Variants in LRRC20 observed in about 807,000 individuals in gnomAD.
LRRC20 encodes the protein leucine rich repeat containing 20.
Under a neutral mutation model 14.4 loss-of-function variants are expected in LRRC20, and 11 were observed. That is an observed-to-expected ratio of 0.77 (90% CI 0.48 to 1.27). The LOEUF (loss-of-function observed/expected upper bound fraction) is 1.27. Among genes scored for constraint, LRRC20 ranks in the 50% most tolerant of loss-of-function variants. The pLI, the probability that LRRC20 is intolerant of heterozygous loss-of-function variation, is 0.00. For missense variants in LRRC20, 219 were observed against 251.2 expected (o/e 0.87, Z 0.87); for synonymous variants, 121 against 107.3 (o/e 1.13, Z -0.79).
chr10:70,326,091 T>C (rs939427486), intron 3 of LRRC20, among the ~76,000 whole-genome samples: 3 of 152,062 alleles, frequency 2.0e-5, no homozygotes, highest in Non-Finnish European at 2.9e-5. Flanking sequence ...AATCTTCCTA[T>C]GTAACTTTTA....
At chr10:70,355,741 G>A (rs1334244225) in intron 2 of LRRC20, among the ~76,000 whole-genome samples, 1 of 152,186 alleles carries the variant, frequency 6.6e-6, no homozygotes, top group African/African-American at 2.4e-5. Flanking sequence ...CTTGGGGTAT[G>A]TTTTTCCTCA....
At chr10:70,360,014 T>C (rs1175842779) in intron 2 of LRRC20, among the ~76,000 whole-genome samples, 1 of 151,584 alleles carries the variant, frequency 6.6e-6, no homozygotes, top group Non-Finnish European at 1.5e-5. Flanking sequence ...CCTCCCAGGT[T>C]CAAACAATTC....
chr10:70,322,713 G>A (rs1306207051), intron 4 of LRRC20, among the ~76,000 whole-genome samples: 2 of 152,108 alleles, frequency 1.3e-5, no homozygotes, highest in Non-Finnish European at 2.9e-5. Context: ...GGGCTGTTGT[G>A]GAATCACATA....
intron 3 of LRRC20, among the ~76,000 whole-genome samples, chr10:70,327,838 C>T (rs1466064080): frequency 1.3e-5 from 2 of 152,218 alleles, no homozygotes. Flanking sequence ...TGTCCAGAGC[C>T]TGACTCCTCA....
chr10:70,375,777 G>GCAT (rs56258990), intron 2 of LRRC20, among the ~76,000 whole-genome samples: 1 of 151,970 alleles, frequency 6.6e-6, no homozygotes, highest in Non-Finnish European at 1.5e-5. Flanking sequence ...GCACACACAG[G>GCAT]ACACACAGGT....
intron 3 of LRRC20, among the ~76,000 whole-genome samples, chr10:70,327,535 C>G (rs796642717): frequency 6.6e-5 from 10 of 151,198 alleles, no homozygotes; most frequent in African/African-American, 1.5e-4. Context: ...TAGCTGAGAT[C>G]GCACCACTGC....
At chr10:70,303,046 G>C (rs1370312394) in intron 4 of LRRC20, among the ~76,000 whole-genome samples, 1 of 151,860 alleles carries the variant, frequency 6.6e-6, no homozygotes, top group African/African-American at 2.4e-5. Context: ...GGTTAAAATG[G>C]CACATTTTGT....
intron 2 of LRRC20, among the ~76,000 whole-genome samples, chr10:70,355,848 G>A (rs1465619256): frequency 6.6e-6 from 1 of 151,978 alleles, no homozygotes; most frequent in African/African-American, 2.4e-5. Context: ...GGAGCTGCTG[G>A]GGAGAGCAGC....
chr10:70,323,948 G>C lies in LRRC20; in HGVS notation c.315C>G (p.Ser105=), dbSNP rs1270195841. ...CAGGGAAGTCCTGGAACTGGTTCCG[G>C]GACAGGTCAATGGCCTTGAGGTGCT... ...ALQHLKAIDL[S]RNQFQDFPEQ... The change falls in exon 4 of 5, where the codon TCC becomes TCG. Residue 105 remains serine, a synonymous_variant. Coordinates refer to ENST00000446961, the MANE Select transcript of LRRC20 (RefSeq NM_001278212.2). The C allele has an allele frequency of 6.2e-7, 1 of 1,614,216 alleles. No individual in the cohort carries two copies. The highest frequency in any genetic ancestry group is 2.2e-5 in the East Asian group (1 of 44,868).
At position 70,344,528 on chromosome 10, in the gene LRRC20, TA is replaced by T. The variant is rs144727655; in HGVS notation, c.83-3827del. Reference sequence around the variant, plus strand: ...TAATGAAAAATGTATCTGACCAATATAAAAAAAAAGTAGAAAAGTTCACAAA... The same window carrying T: ...TAATGAAAAATGTATCTGACCAATATAAAAAAAAGTAGAAAAGTTCACAAA... On this transcript the variant is annotated intron_variant, in intron 2 of 4. Transcript: ENST00000446961. Among the ~76,000 whole-genome samples the T allele has an allele frequency of 9.6e-4, 145 of 151,416 alleles. 2 individuals carry two copies. The highest frequency in any genetic ancestry group is 7.6e-3 in the Admixed American group (116 of 15,192).
intron 4 of LRRC20, among the ~76,000 whole-genome samples, chr10:70,320,618 T>C (rs992264389): frequency 1.3e-5 from 2 of 152,132 alleles, no homozygotes; most frequent in East Asian, 3.8e-4. Flanking sequence ...GTACCTGCTG[T>C]ATGCCACACA....
chr10:70,358,688 C>T (rs1251593293), intron 2 of LRRC20, among the ~76,000 whole-genome samples: 1 of 152,170 alleles, frequency 6.6e-6, no homozygotes, highest in Non-Finnish European at 1.5e-5. Context: ...GTCTAGAATG[C>T]CCCTCCCTCC....
chr10:70,323,735 C>T, intron 4 of LRRC20, 128 bp downstream of exon 4: 1 of 1,076,824 alleles, frequency 9.3e-7, no homozygotes, highest in Non-Finnish European at 1.3e-6. Context: ...GCCCCATGTC[C>T]TTTGCTCAGG....
chr10:70,358,964 CT>C (rs1210043293), intron 2 of LRRC20, among the ~76,000 whole-genome samples: 2 of 152,186 alleles, frequency 1.3e-5, no homozygotes, highest in African/African-American at 4.8e-5. Context: ...CAGCATCCCA[CT>C]TTGTAAAATG....
At chr10:70,372,644 A>C (rs192912400) in intron 2 of LRRC20, among the ~76,000 whole-genome samples, 7 of 151,946 alleles carry the variant, frequency 4.6e-5, no homozygotes, top group East Asian at 2.0e-4. Flanking sequence ...GGGTTTCACC[A>C]TGTTAGCCAG....
chr10:70,347,986 T>C (rs928166968), intron 2 of LRRC20, among the ~76,000 whole-genome samples: 1 of 152,108 alleles, frequency 6.6e-6, no homozygotes, highest in African/African-American at 2.4e-5. Context: ...TCTCCACAAA[T>C]AGCTATCGAG....
chr10:70,375,742 C>T (rs1251107285), intron 2 of LRRC20, among the ~76,000 whole-genome samples: 8 of 146,092 alleles, frequency 5.5e-5, no homozygotes, highest in Middle Eastern at 6.9e-3. Context: ...CACACATGCA[C>T]ACAAACACAC....
chr10:70,371,538 G>T (rs1844271522), intron 2 of LRRC20, among the ~76,000 whole-genome samples: 1 of 152,048 alleles, frequency 6.6e-6, no homozygotes, highest in Non-Finnish European at 1.5e-5. Flanking sequence ...AGAGGAGCGG[G>T]GTGCAGGGAA....
At chr10:70,328,101 G>A (rs925996034) in intron 3 of LRRC20, among the ~76,000 whole-genome samples, 3 of 152,178 alleles carry the variant, frequency 2.0e-5, no homozygotes, top group South Asian at 2.1e-4. Flanking sequence ...GTGGCCTCAT[G>A]AGAAGGTCTT....
Sources: allele counts gnomAD v4.1 joint callset (sites outside exome capture counted in the v4.1 genomes callset), GRCh38; gene constraint gnomAD v4.1.1; transcripts MANE v1.5; gene names NCBI Gene and HGNC (gene_info 2026-07-23, HGNC 2026-07-21).